Variants in SPTB observed in about 807,000 individuals in gnomAD.
The protein encoded by SPTB is spectrin beta, erythrocytic, also known as spectrin beta chain, erythrocytic.
In SPTB, 45 loss-of-function variants were observed where a neutral mutation model predicts 256.2. The observed-to-expected ratio is 0.18, with a 90% CI of 0.14 to 0.23. SPTB has a LOEUF of 0.23. Ranked by LOEUF, SPTB falls within the 10% of genes least tolerant of loss-of-function variation. SPTB has a pLI of 1.00. For synonymous variants in SPTB, 1,231 were observed against 1,243.1 expected, an observed-to-expected ratio of 0.99 and a Z score of 0.21; for missense variants, 2,715 against 3,040.4, an observed-to-expected ratio of 0.89 and a Z score of 2.52.
In SPTB at chr14:64,758,580, CA is replaced by C. The variant is rs2082049680; in HGVS notation, c.6346-4788del. On this transcript the variant is annotated intron_variant, in intron 32 of 35. Transcript: ENST00000644917. The surrounding 1 kb of genome is among the most constrained non-coding windows in gnomAD (Gnocchi z 4.6). ...TCTGGTAATTCACAAGTGGATTTTA[CA>C]AACAGCTCACAACTTTGTCAAGAAA... Among the ~76,000 whole-genome samples, 1 of 152,242 alleles carries C rather than the reference CA, an allele frequency of 6.6e-6. No individual in the cohort carries two copies.
Position 64,775,469 on chromosome 14 carries a change from T to A in SPTB, c.4564-66A>T. 1 of 1,563,540 alleles carries A rather than the reference T, an allele frequency of 6.4e-7. No individual in the cohort carries two copies. ...CATGCGGGGGAGGCTGCTTCAGCAG[T>A]GGCAGCACAGCTCTGACACCCTTGG... is the stretch of plus-strand genomic sequence containing the variant. On this transcript the variant is annotated intron_variant, in intron 22 of 35. Transcript: ENST00000644917. This position sits in a 1 kb window ranked among gnomAD's most constrained non-coding sequence, Gnocchi z 5.0.
rs754789252 is a variant in SPTB at position 64,801,796 on chromosome 14, C to A, written c.605G>T (p.Trp202Leu). The A allele has an allele frequency of 2.5e-6, 4 of 1,614,214 alleles. No individual in the cohort carries two copies. In the Admixed American group the frequency reaches 6.7e-5, roughly 27 times the overall value. The change falls in exon 6 of 36, where the codon TGG becomes TTG. Residue 202 changes from tryptophan to leucine, a missense_variant. This residue lies in a region of SPTB where 416 missense variants were observed against 571.1 expected (regional missense o/e 0.73). Coordinates refer to ENST00000644917, the MANE Select transcript of SPTB (RefSeq NM_001355436.2). ...GGCATTAAAGGCCAAGCCATCCTTC[C>A]AGCTGGAGGTAAAGTTGGTGACATT... ...HVNVTNFTSSWKDGLAFNALI... is the reference protein window; with the variant it reads ...HVNVTNFTSSLKDGLAFNALI...
rs545023374 is a variant in SPTB, at chr14:64,758,644, G to C, written c.6346-4851C>G. 6.6e-6 allele frequency among the ~76,000 whole-genome samples: 1 copy of C among 152,362 alleles called. No individual in the cohort carries two copies. Among genetic ancestry groups the C allele is most frequent in the African/African-American group, 2.4e-5 (1 of 41,580 alleles). ...AGATTGTGTCTAGATATATATCCAA[G>C]AGGTCAAATCCTTTTCTGAAGCAGA... On this transcript the variant is annotated intron_variant, in intron 32 of 35. Coordinates refer to ENST00000644917, the MANE Select transcript of SPTB (RefSeq NM_001355436.2). This position sits in a 1 kb window ranked among gnomAD's most constrained non-coding sequence, Gnocchi z 4.6.
rs117716340 is a variant in SPTB at position 64,860,642 on chromosome 14, T to C, written c.-52+19150A>G. On this transcript the variant is annotated intron_variant, in intron 1 of 35. Transcript: ENST00000644917. The stretch of plus-strand genomic sequence containing the variant: ...CTGCCTCAGAACATTGTAGGACAGG[T>C]GCAATAAGTTCATCAGTCTGTCAAC... Among the ~76,000 whole-genome samples, 749 of 152,104 alleles carry C rather than the reference T, an allele frequency of 4.9e-3. 4 individuals are homozygous for C. The highest frequency in any genetic ancestry group is 7.6e-3 in the Non-Finnish European group (520 of 67,984).
At chr14:64,820,351 C>A (rs2083266134) in intron 2 of SPTB, among the ~76,000 whole-genome samples, 1 of 152,192 alleles carries the variant, frequency 6.6e-6, no homozygotes, top group South Asian at 2.1e-4. Flanking sequence ...GCAGAATGGG[C>A]ACATCTGGCC....
intron 2 of SPTB, among the ~76,000 whole-genome samples, chr14:64,809,978 T>A (rs2083057997): frequency 6.6e-6 from 1 of 152,142 alleles, no homozygotes; most frequent in South Asian, 2.1e-4. Flanking sequence ...ATTTAAATTA[T>A]ACAATTTGAA....
rs1187222869 is a variant in SPTB at position 64,852,805 on chromosome 14, C to A, written c.-52+26987G>T. On this transcript the variant is annotated intron_variant, in intron 1 of 35. Transcript: ENST00000644917. The surrounding 1 kb of genome is among the most constrained non-coding windows in gnomAD (Gnocchi z 4.2). ...TTTCATAGCAAGCCCTTACCCTGTGCTCACCATAATGTTAGGTGTTGGGAT... is the reference window on the plus strand; with the variant it reads ...TTTCATAGCAAGCCCTTACCCTGTGATCACCATAATGTTAGGTGTTGGGAT... Among the ~76,000 whole-genome samples the A allele has an allele frequency of 2.0e-5, 3 of 152,166 alleles. No individual in the cohort carries two copies. The highest frequency in any genetic ancestry group is 7.2e-5 in the African/African-American group (3 of 41,420).
chr14:64,829,941 A>G (rs1042541395), intron 1 of SPTB, among the ~76,000 whole-genome samples: 2 of 152,018 alleles, frequency 1.3e-5, no homozygotes, highest in African/African-American at 4.8e-5. Flanking sequence ...GGTCTTGTGC[A>G]TGCCATGCCC....
At chr14:64,804,846 G>C (rs1161667831) in intron 3 of SPTB, 93 bp downstream of exon 3, 13 of 1,529,436 alleles carry the variant, frequency 8.5e-6, no homozygotes, top group Non-Finnish European at 1.2e-5. Context: ...AGAAAACTGG[G>C]AAGGCCAGGA....
In SPTB at chr14:64,802,136, T is replaced by A. The variant is rs953281123; in HGVS notation, c.566+90A>T. Reference sequence around the variant, plus strand: ...GGGAGGCAGCTGTAGTTCTGGGTGATGATGTCTAATGTCCCTCTGGAGATG... The same window carrying A: ...GGGAGGCAGCTGTAGTTCTGGGTGAAGATGTCTAATGTCCCTCTGGAGATG... On this transcript the variant is annotated intron_variant, in intron 5 of 35. Transcript: ENST00000644917. The surrounding 1 kb of genome is among the most constrained non-coding windows in gnomAD (Gnocchi z 5.1). 2.2e-5 allele frequency: 27 copies of A among 1,222,864 alleles called. No individual in the cohort carries two copies. The African/African-American group carries it at 3.7e-4, about 17-fold the overall frequency. The allele number at this position is 1,222,864 out of a possible 1,614,324, so 75.8% of individuals were successfully genotyped here.
intron 8 of SPTB, 122 bp from the exon 9 acceptor site, chr14:64,800,056 T>C: frequency 7.8e-7 from 1 of 1,276,584 alleles, no homozygotes; most frequent in South Asian, 1.2e-5. Context: ...CCTGGAGTGC[T>C]CTAGGCTGGG....
chr14:64,871,707 C>T (rs916720317), intron 1 of SPTB, among the ~76,000 whole-genome samples: 1 of 152,212 alleles, frequency 6.6e-6, no homozygotes, highest in Non-Finnish European at 1.5e-5. Flanking sequence ...TACACAGAAA[C>T]TGTTGACAGT....
Position 64,775,016 on chromosome 14 carries a change from T to G in SPTB, c.4842+109A>C. 6.6e-7 allele frequency: 1 copy of G among 1,511,800 alleles called. No homozygotes were observed. Among genetic ancestry groups the G allele is most frequent in the African/African-American group, 1.4e-5 (1 of 73,242 alleles). 93.6% of individuals were successfully genotyped at this position (1,511,800 alleles called of 1,614,324 possible). A position where few individuals can be genotyped will look rare whatever the true frequency, so the allele number is the denominator to read the frequency against. Reference sequence around the variant, plus strand: ...CTGTGGGTTCCTTGTGCCCCTCCCCTGGCCTCACTCCTCACACAGTTGGAC... The same window carrying G: ...CTGTGGGTTCCTTGTGCCCCTCCCCGGGCCTCACTCCTCACACAGTTGGAC... On this transcript the variant is annotated intron_variant, in intron 23 of 35. Coordinates refer to ENST00000644917, the MANE Select transcript of SPTB (RefSeq NM_001355436.2). The surrounding 1 kb of genome is among the most constrained non-coding windows in gnomAD (Gnocchi z 5.0).
rs1174538579 is a variant in SPTB at position 64,845,369 on chromosome 14, C to T, written c.-51-22224G>A. Among the ~76,000 whole-genome samples, 1 of 152,232 alleles carries T rather than the reference C, an allele frequency of 6.6e-6. No homozygotes were observed. The highest frequency in any genetic ancestry group is 1.5e-5 in the Non-Finnish European group (1 of 68,046). ...AAAGCTCATGAATACAGAACAGATA[C>T]TGGCTGTGTGGCACAAGTGGCTGTG... On this transcript the variant is annotated intron_variant, in intron 1 of 35. Transcript: ENST00000644917. The surrounding 1 kb of genome is among the most constrained non-coding windows in gnomAD (Gnocchi z 4.8).
Position 64,775,012 on chromosome 14 carries a change from C to T in SPTB, c.4842+113G>A. On this transcript the variant is annotated intron_variant, in intron 23 of 35. Coordinates refer to ENST00000644917, the MANE Select transcript of SPTB (RefSeq NM_001355436.2). This position sits in a 1 kb window ranked among gnomAD's most constrained non-coding sequence, Gnocchi z 5.0. ...GAGTCTGTGGGTTCCTTGTGCCCCTCCCCTGGCCTCACTCCTCACACAGTT... is the reference window on the plus strand; with the variant it reads ...GAGTCTGTGGGTTCCTTGTGCCCCTTCCCTGGCCTCACTCCTCACACAGTT... 1 of 1,484,250 alleles carries T rather than the reference C, an allele frequency of 6.7e-7. No homozygotes were observed. Among genetic ancestry groups the T allele is most frequent in the Non-Finnish European group, 9.3e-7 (1 of 1,071,316 alleles). The allele number at this position is 1,484,250 out of a possible 1,614,324, so 91.9% of individuals were successfully genotyped here.
chr14:64,784,020 T>C (rs1328738644), intron 19 of SPTB, among the ~76,000 whole-genome samples: 1 of 152,244 alleles, frequency 6.6e-6, no homozygotes, highest in Non-Finnish European at 1.5e-5. Context: ...TGTCCTGGGC[T>C]GTCCCCAGAT....
At position 64,777,422 on chromosome 14, in the gene SPTB, G is replaced by A. The variant is rs937236905; in HGVS notation, c.4563+1735C>T. Reference sequence around the variant, plus strand: ...CCCCCAGAGATCCTAATTGATCTGAGGTGAGACCTGGGCATTCATCTGTCT... The same window carrying A: ...CCCCCAGAGATCCTAATTGATCTGAAGTGAGACCTGGGCATTCATCTGTCT... On this transcript the variant is annotated intron_variant, in intron 22 of 35. Coordinates refer to ENST00000644917, the MANE Select transcript of SPTB (RefSeq NM_001355436.2). This position sits in a 1 kb window ranked among gnomAD's most constrained non-coding sequence, Gnocchi z 4.5. Among the ~76,000 whole-genome samples the A allele has an allele frequency of 2.0e-5, 3 of 152,142 alleles. No homozygotes were observed. The highest frequency in any genetic ancestry group is 7.2e-5 in the African/African-American group (3 of 41,408).
rs139451587 is a variant in SPTB, at chr14:64,866,365, G to A, written c.-52+13427C>T. 2.0e-4 allele frequency among the ~76,000 whole-genome samples: 30 copies of A among 152,270 alleles called. No homozygotes were observed. The highest frequency in any genetic ancestry group is 6.3e-4 in the African/African-American group (26 of 41,536). On this transcript the variant is annotated intron_variant, in intron 1 of 35. Transcript: ENST00000644917. The surrounding 1 kb of genome is among the most constrained non-coding windows in gnomAD (Gnocchi z 4.6). ...GTCTTCAGTTGTCTTGGCCAAGCCC[G>A]TTCCTCTGTCTCGCTGCCCTCAGGT...
intron 32 of SPTB, among the ~76,000 whole-genome samples, chr14:64,765,581 C>T (rs2082157789): frequency 6.6e-6 from 1 of 152,214 alleles, no homozygotes; most frequent in Non-Finnish European, 1.5e-5. Context: ...TTACTCAAAG[C>T]CCTGGGATTC....
Sources: gnomAD v4.1 joint callset for allele counts (sites outside exome capture counted in the v4.1 genomes callset) on GRCh38, gnomAD v4.1.1 for gene constraint, gnomAD v4.1.1 regional missense constraint, Gnocchi (gnomAD v3.1) non-coding constraint, MANE v1.5 for transcripts, NCBI Gene and HGNC (gene_info 2026-07-23, HGNC 2026-07-21) for gene names.